The following TMEM131 variants were observed in gnomAD, a reference collection of about 807,000 sequenced individuals.
TMEM131 encodes transmembrane protein 131, also known as 2610524E03Rik.
In TMEM131, 66 loss-of-function variants were observed where a neutral mutation model predicts 211.6. That is an observed-to-expected ratio of 0.31 (90% CI 0.26 to 0.38). The LOEUF (loss-of-function observed/expected upper bound fraction) is 0.38. Ranked by LOEUF, TMEM131 falls within the 10% of genes least tolerant of loss-of-function variation. TMEM131 has a pLI of 1.00. For synonymous variants in TMEM131, 844 were observed against 841.3 expected, an observed-to-expected ratio of 1.00 and a Z score of -0.06; for missense variants, 2,036 against 2,299.3, an observed-to-expected ratio of 0.89 and a Z score of 2.34.
intron 5 of TMEM131, among the ~76,000 whole-genome samples, chr2:97,856,158 T>A (rs1047102596): frequency 1.3e-5 from 2 of 152,178 alleles, no homozygotes; most frequent in African/African-American, 2.4e-5. Context: ...AGAATATTAT[T>A]ATAAAATTCT....
intron 3 of TMEM131, among the ~76,000 whole-genome samples, chr2:97,893,215 A>G (rs1675457931): frequency 6.6e-6 from 1 of 152,250 alleles, no homozygotes; most frequent in Admixed American, 6.5e-5. Flanking sequence ...TGCAAAGGGC[A>G]TGAACTCACC....
chr2:97,975,843 G>C (rs1440061970), intron 1 of TMEM131, among the ~76,000 whole-genome samples: 1 of 146,602 alleles, frequency 6.8e-6, no homozygotes. Context: ...TATTCCTAAT[G>C]ACCAAAGATA....
chr2:97,807,277 C>T (rs892386526), intron 19 of TMEM131, among the ~76,000 whole-genome samples: 1 of 152,184 alleles, frequency 6.6e-6, no homozygotes, highest in African/African-American at 2.4e-5. Context: ...AAATCTCATG[C>T]TGAAATGTGA....
intron 33 of TMEM131, among the ~76,000 whole-genome samples, chr2:97,770,577 C>A (rs1573332036): frequency 6.6e-6 from 1 of 152,178 alleles, no homozygotes; most frequent in East Asian, 1.9e-4. Context: ...TAATGACACT[C>A]AAGCGACGTC....
chr2:97,797,604 T>C (rs1680828085), intron 25 of TMEM131, 88 bp from the exon 26 acceptor site: 2 of 1,215,580 alleles, frequency 1.6e-6, no homozygotes, highest in South Asian at 3.3e-5. Flanking sequence ...GAGCCCAGTA[T>C]AGTTTCTCAA....
intron 1 of TMEM131, among the ~76,000 whole-genome samples, chr2:97,967,688 A>T (rs965388024): frequency 6.6e-6 from 1 of 152,188 alleles, no homozygotes; most frequent in Non-Finnish European, 1.5e-5. Flanking sequence ...AGCATCCTCA[A>T]ACCAAAAGTT....
At chr2:97,810,178 T>C (rs1681488277) in intron 18 of TMEM131, among the ~76,000 whole-genome samples, 1 of 152,142 alleles carries the variant, frequency 6.6e-6, no homozygotes, top group African/African-American at 2.4e-5. Context: ...TAGAGTTATA[T>C]AGCTTTTTTT....
chr2:97,921,165 T>C (rs576353577), intron 2 of TMEM131, among the ~76,000 whole-genome samples: 1 of 152,204 alleles, frequency 6.6e-6, no homozygotes, highest in South Asian at 2.1e-4. Context: ...GATAGACAAA[T>C]AAGCCAAAGA....
intron 25 of TMEM131, 33 bp downstream of exon 25, chr2:97,801,862 T>G (rs755262088): frequency 6.9e-7 from 1 of 1,442,964 alleles, no homozygotes; most frequent in Admixed American, 2.2e-5. Flanking sequence ...ATAAAATAAT[T>G]TCTTTGGAAT....
intron 26 of TMEM131, 90 bp downstream of exon 26, chr2:97,797,275 A>G (rs550604394): frequency 3.0e-4 from 375 of 1,247,338 alleles, no homozygotes; most frequent in Middle Eastern, 1.2e-3. Context: ...AAACTATTTC[A>G]TAAGTTAGAC....
At chr2:97,852,146 C>A (rs1323388576) in intron 5 of TMEM131, among the ~76,000 whole-genome samples, 2 of 147,062 alleles carry the variant, frequency 1.4e-5, no homozygotes, top group Admixed American at 6.8e-5. Context: ...AAGAGCTAAG[C>A]AGCCACGGCA....
rs539075773 is a variant in TMEM131, at chr2:97,866,537, C to T, written c.360-7110G>A. Among the ~76,000 whole-genome samples the T allele has an allele frequency of 3.9e-5, 6 of 152,122 alleles. No homozygotes were observed. In the East Asian group the frequency reaches 7.7e-4, roughly 20 times the overall value. The stretch of plus-strand genomic sequence containing the variant: ...TTCTATTCTGTATTTTATTTATTTC[C>T]TCTAGTTTTTATTATTTCTGTTTGC... On this transcript the variant is annotated intron_variant, in intron 4 of 40. Coordinates refer to ENST00000186436, the MANE Select transcript of TMEM131 (RefSeq NM_015348.2).
intron 1 of TMEM131, among the ~76,000 whole-genome samples, chr2:97,978,508 C>T (rs761455156): frequency 5.3e-5 from 8 of 152,138 alleles, no homozygotes; most frequent in Non-Finnish European, 1.0e-4. Context: ...CCACAGCCTC[C>T]TGAGTAGCTG....
chr2:97,821,463 A>G (rs575712036), intron 11 of TMEM131, among the ~76,000 whole-genome samples: 2 of 152,280 alleles, frequency 1.3e-5, no homozygotes, highest in Admixed American at 1.3e-4. Flanking sequence ...TAGGCTGTGG[A>G]AGCTTTGTTC....
intron 4 of TMEM131, among the ~76,000 whole-genome samples, chr2:97,873,782 G>T (rs975115669): frequency 6.6e-6 from 1 of 152,180 alleles, no homozygotes; most frequent in Non-Finnish European, 1.5e-5. Context: ...GCACAAAAAG[G>T]CTGAAAATTC....
intron 1 of TMEM131, among the ~76,000 whole-genome samples, chr2:97,991,799 T>C (rs1211674365): frequency 6.6e-6 from 1 of 152,216 alleles, no homozygotes; most frequent in African/African-American, 2.4e-5. Context: ...ATCAAGCACC[T>C]AGCAAAGATT....
At chr2:97,980,333 T>C (rs907310271) in intron 1 of TMEM131, among the ~76,000 whole-genome samples, 1 of 152,226 alleles carries the variant, frequency 6.6e-6, no homozygotes, top group African/African-American at 2.4e-5. Flanking sequence ...AAACAGCATA[T>C]TGGCTGTGAA....
intron 19 of TMEM131, 117 bp from the exon 20 acceptor site, chr2:97,805,820 G>A (rs2104940696): frequency 2.1e-6 from 2 of 968,520 alleles, no homozygotes; most frequent in East Asian, 2.7e-5. Context: ...AGACATCTTA[G>A]AATGTTCATC....
intron 1 of TMEM131, among the ~76,000 whole-genome samples, chr2:97,986,685 T>G (rs1160356851): frequency 1.3e-5 from 2 of 152,170 alleles, no homozygotes; most frequent in East Asian, 3.8e-4. Flanking sequence ...GCTGCACCCA[T>G]TCTGAAAGAG....
Sources: allele counts gnomAD v4.1 joint callset (sites outside exome capture counted in the v4.1 genomes callset), GRCh38; gene constraint gnomAD v4.1.1; transcripts MANE v1.5; gene names NCBI Gene and HGNC (gene_info 2026-07-23, HGNC 2026-07-21).